The following OR56A4 variants were observed in gnomAD, a reference collection of about 807,000 sequenced individuals.
OR56A4 encodes the protein olfactory receptor family 56 subfamily A member 4, also known as olfactory receptor 56A4.
In OR56A4, 9 loss-of-function variants were observed where a neutral mutation model predicts 13.6. The observed-to-expected ratio is 0.66, with a 90% CI of 0.40 to 1.15. OR56A4 has a LOEUF of 1.15. Among genes scored for constraint, OR56A4 ranks in the 50% most tolerant of loss-of-function variants. OR56A4 has a pLI of 0.01. For missense variants in OR56A4, 380 were observed against 375.9 expected (o/e 1.01, Z -0.09); for synonymous variants, 167 against 153.9 (o/e 1.08, Z -0.63).
At position 6,004,815 on chromosome 11, in the gene OR56A4, C is replaced by G. The variant is rs550118356; in HGVS notation, c.-37+1434G>C. Among the ~76,000 whole-genome samples, 16 of 152,286 alleles carry G rather than the reference C, an allele frequency of 1.1e-4. No homozygotes were observed. In the South Asian group the frequency reaches 2.7e-3, roughly 26 times the overall value. On this transcript the variant is annotated intron_variant, in intron 2 of 2. Transcript: ENST00000641156. ...GTATAGCTACTCTGAATGGCTTAATCTATTTGAACAAGTGAGAAAATAGTG... is the reference window on the plus strand; with the variant it reads ...GTATAGCTACTCTGAATGGCTTAATGTATTTGAACAAGTGAGAAAATAGTG...
intron 2 of OR56A4, among the ~76,000 whole-genome samples, chr11:6,005,000 TAAG>T (rs1848246780): frequency 6.6e-6 from 1 of 152,124 alleles, no homozygotes; most frequent in African/African-American, 2.4e-5. Flanking sequence ...AATCATAAAA[TAAG>T]GAGACAATAT....
chr11:6,002,141 G>A lies in OR56A4; in HGVS notation c.852C>T (p.His284=). The change falls in exon 3 of 3, where the codon CAC becomes CAT. Residue 284 remains histidine, a synonymous_variant. Coordinates refer to ENST00000641156, the MANE Select transcript of OR56A4 (RefSeq NM_001005179.4). ...DVPILLNILH[H]LIPPALNPIV... is the part of the protein sequence containing the mutation. ...TGGGGTTCAGAGCTGGGGGAATGAGGTGGTGCAGGATGTTGAGCAGGATGG... is the reference window on the plus strand; with the variant it reads ...TGGGGTTCAGAGCTGGGGGAATGAGATGGTGCAGGATGTTGAGCAGGATGG... The A allele has an allele frequency of 1.2e-6, 2 of 1,614,172 alleles. No homozygotes were observed. The highest frequency in any genetic ancestry group is 1.6e-4 in the Middle Eastern group (1 of 6,062).
Position 6,002,004 on chromosome 11 carries a change from T to C in OR56A4, c.*47A>G. On this transcript the variant is annotated 3_prime_UTR_variant, in exon 3 of 3. Transcript: ENST00000641156. ...AAATTAATTCCCTATTTCCCAATTT[T>C]CACTAACAATTAACAACTCTAAAGG... 1 of 1,481,972 alleles carries C rather than the reference T, an allele frequency of 6.7e-7. No individual in the cohort carries two copies. Among genetic ancestry groups the C allele is most frequent in the Non-Finnish European group, 9.0e-7 (1 of 1,114,978 alleles). The allele number at this position is 1,481,972 out of a possible 1,614,324, so 91.8% of individuals were successfully genotyped here.
At chr11:6,005,066 C>A (rs1228388795) in intron 2 of OR56A4, among the ~76,000 whole-genome samples, 6 of 152,068 alleles carry the variant, frequency 3.9e-5, no homozygotes, top group African/African-American at 1.2e-4. Flanking sequence ...CAAGCAGAAA[C>A]AAATGACAAT....
chr11:6,002,510 A>G lies in OR56A4; in HGVS notation c.483T>C (p.Pro161=), dbSNP rs1456798299. The G allele has an allele frequency of 6.2e-7, 1 of 1,614,260 alleles. No individual in the cohort carries two copies. The highest frequency in any genetic ancestry group is 1.1e-5 in the South Asian group (1 of 91,088). The change falls in exon 3 of 3, where the codon CCT becomes CCC. Residue 161 remains proline (P), a synonymous_variant. Transcript: ENST00000641156. ...TGAGCCTGGCAGAAAGCATGGGAAC[A>G]GGAAGAGAAACAAAGGCATTCCGGG... The part of the protein sequence containing the change: ...VIARNAFVSL[P]VPMLSARLRY...
At chr11:6,006,596 T>C (rs1219908073) in intron 1 of OR56A4, among the ~76,000 whole-genome samples, 193 bp from the exon 2 acceptor site, 2 of 152,264 alleles carry the variant, frequency 1.3e-5, no homozygotes, top group South Asian at 4.1e-4. Flanking sequence ...CATAGATGAA[T>C]GTAGGGAAGA....
intron 2 of OR56A4, among the ~76,000 whole-genome samples, chr11:6,004,971 T>C (rs115698708): frequency 0.011 from 1,663 of 152,262 alleles, 26 homozygotes; most frequent in African/African-American, 0.037. Context: ...TGCAATACAG[T>C]TGTGGCTCTA....
At chr11:6,005,288 G>A (rs1170300512) in intron 2 of OR56A4, among the ~76,000 whole-genome samples, 1 of 152,146 alleles carries the variant, frequency 6.6e-6, no homozygotes, top group Non-Finnish European at 1.5e-5. Context: ...ACATTTCGTG[G>A]GGGAGAATAA....
At position 6,002,712 on chromosome 11, in the gene OR56A4, G is replaced by A. The variant is rs746095013; in HGVS notation, c.281C>T (p.Ser94Leu). 1.1e-5 allele frequency: 18 copies of A among 1,614,104 alleles called. No homozygotes were observed. The highest frequency in any genetic ancestry group is 5.0e-5 in the Admixed American group (3 of 60,012). ...GAGGAAGCAGGCTGGGAAGCTGATC[G>A]ACCTGAGGTCAAACCAGAAGATGGC... Reference protein sequence around the residue: ...VLAIFWFDLRSISFPACFLQM... With the variant: ...VLAIFWFDLRLISFPACFLQM... The change falls in exon 3 of 3, where the codon TCG (serine) becomes TTG (leucine). Residue 94 changes from serine to leucine, a missense_variant. Ser to Leu is a moderately radical substitution (Grantham distance 145). Coordinates refer to ENST00000641156, the MANE Select transcript of OR56A4 (RefSeq NM_001005179.4).
chr11:5,999,650 G>T lies in OR56A4; in HGVS notation c.*2401C>A, dbSNP rs192192371. Reference sequence around the variant, plus strand: ...ACTATAAGGACATATAATAGTATAAGATTTTATTGTTGTTTCCAAGTAGTT... The same window carrying T: ...ACTATAAGGACATATAATAGTATAATATTTTATTGTTGTTTCCAAGTAGTT... On this transcript the variant is annotated 3_prime_UTR_variant, in exon 3 of 3. Coordinates refer to ENST00000641156, the MANE Select transcript of OR56A4 (RefSeq NM_001005179.4). 4 of 152,252 alleles carry T rather than the reference G, an allele frequency of 2.6e-5. No homozygotes were observed. Among genetic ancestry groups the T allele is most frequent in the African/African-American group, 9.6e-5 (4 of 41,562 alleles). 9.4% of individuals were successfully genotyped at this position (152,252 alleles called of 1,614,324 possible).
At chr11:6,004,801 C>A (rs189696558) in intron 2 of OR56A4, among the ~76,000 whole-genome samples, 1 of 152,284 alleles carries the variant, frequency 6.6e-6, no homozygotes, top group East Asian at 1.9e-4. Context: ...TATAGCTACT[C>A]TGAATGGCTT....
chr11:5,999,712 A>G lies in OR56A4; in HGVS notation c.*2339T>C, dbSNP rs1848201324. 6.6e-6 allele frequency: 1 copy of G among 152,252 alleles called. No individual in the cohort carries two copies. Among genetic ancestry groups the G allele is most frequent in the Non-Finnish European group, 1.5e-5 (1 of 68,042 alleles). 9.4% of individuals were successfully genotyped at this position (152,252 alleles called of 1,614,324 possible). On this transcript the variant is annotated 3_prime_UTR_variant, in exon 3 of 3. Coordinates refer to ENST00000641156, the MANE Select transcript of OR56A4 (RefSeq NM_001005179.4). ...TGAGAGATGAGAGATCACTTATAAA[A>G]TGTTCTACAGATTTTGTTCAACACA... is the stretch of plus-strand genomic sequence containing the variant.
At position 6,000,215 on chromosome 11, in the gene OR56A4, A is replaced by T. The variant is rs745532429; in HGVS notation, c.*1836T>A. On this transcript the variant is annotated 3_prime_UTR_variant, in exon 3 of 3. Transcript: ENST00000641156. ...ATAGCAAAGACTTGGAACCAAGCCAAATGTCCAACAATGGTAGACTGGATT... is the reference window on the plus strand; with the variant it reads ...ATAGCAAAGACTTGGAACCAAGCCATATGTCCAACAATGGTAGACTGGATT... The T allele has an allele frequency of 1.3e-5, 2 of 152,258 alleles. No individual in the cohort carries two copies. The highest frequency in any genetic ancestry group is 2.4e-5 in the African/African-American group (1 of 41,460). The allele number at this position is 152,258 out of a possible 1,614,324, so 9.4% of individuals were successfully genotyped here. A position where few individuals can be genotyped will look rare whatever the true frequency, so the allele number is the denominator to read the frequency against.
intron 2 of OR56A4, among the ~76,000 whole-genome samples, chr11:6,004,821 G>T (rs1186907538): frequency 6.6e-6 from 1 of 152,066 alleles, no homozygotes; most frequent in Non-Finnish European, 1.5e-5. Context: ...TAATCTATTT[G>T]AACAAGTGAG....
Position 6,001,956 on chromosome 11 carries a change from A to G in OR56A4, c.*95T>C, listed in dbSNP as rs933530053. 7.8e-7 allele frequency: 1 copy of G among 1,280,282 alleles called. No homozygotes were observed. Among genetic ancestry groups the G allele is most frequent in the Non-Finnish European group, 1.1e-6 (1 of 938,382 alleles). 79.3% of individuals were successfully genotyped at this position (1,280,282 alleles called of 1,614,324 possible). On this transcript the variant is annotated 3_prime_UTR_variant, in exon 3 of 3. Coordinates refer to ENST00000641156, the MANE Select transcript of OR56A4 (RefSeq NM_001005179.4). ...GAATCCGAACTCAGGCAGGATTTAAAGTGAAATTTCCTTTCCAACATAAAA... is the reference window on the plus strand; with the variant it reads ...GAATCCGAACTCAGGCAGGATTTAAGGTGAAATTTCCTTTCCAACATAAAA...
In OR56A4 at chr11:6,002,231, G is replaced by A. The variant is rs758861384; in HGVS notation, c.762C>T (p.Phe254=). Residue 254 remains phenylalanine (F), a synonymous_variant, in exon 3 of 3, where the codon TTC becomes TTT. Coordinates refer to ENST00000641156, the MANE Select transcript of OR56A4 (RefSeq NM_001005179.4). ...TGACCAGAACCAGCAGGACTGTGCT[G>A]AAGAAGAGGATGAGGATGAAGTGGG... ...CGSHFILILF[F]STVLLVLVIT... The A allele has an allele frequency of 3.1e-6, 5 of 1,614,134 alleles. No homozygotes were observed. The highest frequency in any genetic ancestry group is 1.6e-4 in the Middle Eastern group (1 of 6,062).
At chr11:6,003,873 T>C (rs1411341032) in intron 2 of OR56A4, among the ~76,000 whole-genome samples, 1 of 152,196 alleles carries the variant, frequency 6.6e-6, no homozygotes, top group African/African-American at 2.4e-5. Context: ...TAAGTAAAAT[T>C]ACCTATTCTT....
At chr11:6,004,242 C>T (rs1244046434) in intron 2 of OR56A4, among the ~76,000 whole-genome samples, 1 of 152,118 alleles carries the variant, frequency 6.6e-6, no homozygotes, top group East Asian at 1.9e-4. Flanking sequence ...ATCCCAGCTA[C>T]TTGGGAGGCT....
chr11:6,005,929 A>G (rs1230104622), intron 2 of OR56A4, among the ~76,000 whole-genome samples: 1 of 152,248 alleles, frequency 6.6e-6, no homozygotes, highest in East Asian at 1.9e-4. Context: ...CACTGAGACC[A>G]TAGCAGATAG....
Sources: allele counts gnomAD v4.1 joint callset (sites outside exome capture counted in the v4.1 genomes callset), GRCh38; gene constraint gnomAD v4.1.1; transcripts MANE v1.5; gene names NCBI Gene and HGNC (gene_info 2026-07-23, HGNC 2026-07-21).